The following ARHGAP22 variants were observed in gnomAD, a reference collection of about 807,000 sequenced individuals.
ARHGAP22 encodes the protein Rho GTPase activating protein 22, also known as rho GTPase-activating protein 22.
In ARHGAP22, 48 loss-of-function variants were observed where a neutral mutation model predicts 59.1. The ratio of observed to expected loss-of-function variants is 0.81; its 90% CI spans 0.64 to 1.03. The LOEUF is 1.03. Ranked by LOEUF, ARHGAP22 falls within the 50% of genes least tolerant of loss-of-function variation. The pLI, the probability that ARHGAP22 is intolerant of heterozygous loss-of-function variation, is 0.00. For missense variants in ARHGAP22, 1,015 were observed against 958.7 expected (o/e 1.06, Z -0.78); for synonymous variants, 445 against 416.4 (o/e 1.07, Z -0.84).
chr10:48,520,067 T>C (rs944698000), intron 3 of ARHGAP22, among the ~76,000 whole-genome samples: 1 of 151,982 alleles, frequency 6.6e-6, no homozygotes, highest in Non-Finnish European at 1.5e-5. Flanking sequence ...CCATCAGCCA[T>C]TGGTTGTGAG....
chr10:48,517,625 C>G (rs1271626770), intron 3 of ARHGAP22, among the ~76,000 whole-genome samples: 4 of 152,134 alleles, frequency 2.6e-5, no homozygotes, highest in African/African-American at 9.7e-5. Context: ...TCTCTGGAGC[C>G]ATGAGAGCCA....
chr10:48,513,322 C>T (rs190210170), intron 3 of ARHGAP22, among the ~76,000 whole-genome samples: 1 of 152,312 alleles, frequency 6.6e-6, no homozygotes, highest in Admixed American at 6.5e-5. Context: ...AAGCCATATG[C>T]CTGAGCAGCG....
chr10:48,454,576 C>T (rs1237588805), intron 6 of ARHGAP22, among the ~76,000 whole-genome samples: 1 of 152,192 alleles, frequency 6.6e-6, no homozygotes, highest in East Asian at 1.9e-4. Flanking sequence ...AGGGCTGGCT[C>T]ATCTGTCCTG....
chr10:48,558,340 GTT>G (rs59162298), intron 2 of ARHGAP22, among the ~76,000 whole-genome samples: 1 of 149,320 alleles, frequency 6.7e-6, no homozygotes, highest in South Asian at 2.1e-4. Flanking sequence ...GCGATTTAAT[GTT>G]TTTTTTTTGT....
At chr10:48,566,532 T>A (rs1457855507) in intron 2 of ARHGAP22, among the ~76,000 whole-genome samples, 2 of 152,240 alleles carry the variant, frequency 1.3e-5, no homozygotes, top group African/African-American at 4.8e-5. Context: ...ATACATCATT[T>A]GTCCAGCTTC....
At chr10:48,472,549 CAAAAT>C (rs1564718938) in intron 4 of ARHGAP22, among the ~76,000 whole-genome samples, 1 of 124,886 alleles carries the variant, frequency 8.0e-6, no homozygotes, top group Non-Finnish European at 1.7e-5. Context: ...TAAAATAAAA[CAAAAT>C]AAAATAAAAT....
intron 2 of ARHGAP22, among the ~76,000 whole-genome samples, chr10:48,559,143 T>C (rs1458626578): frequency 6.6e-6 from 1 of 152,228 alleles, no homozygotes; most frequent in Non-Finnish European, 1.5e-5. Context: ...CCAGCTGGCC[T>C]TCCTACTATA....
intron 1 of ARHGAP22, among the ~76,000 whole-genome samples, chr10:48,628,625 G>T (rs34428947): frequency 0.16 from 24,108 of 152,130 alleles, 2,458 homozygotes; most frequent in East Asian, 0.28. Flanking sequence ...ATTTGATTCC[G>T]CCTGGTGACT....
intron 3 of ARHGAP22, among the ~76,000 whole-genome samples, chr10:48,517,646 C>A (rs1322511831): frequency 1.3e-5 from 2 of 152,130 alleles, no homozygotes; most frequent in Non-Finnish European, 2.9e-5. Context: ...ACCCCCTAAC[C>A]CTGGAGGCCA....
intron 3 of ARHGAP22, among the ~76,000 whole-genome samples, chr10:48,505,478 C>G (rs867423001): frequency 6.6e-6 from 1 of 152,114 alleles, no homozygotes; most frequent in Non-Finnish European, 1.5e-5. Context: ...GCAGGAGTCC[C>G]GTGCGCCTGA....
chr10:48,509,542 A>G (rs991567064), intron 3 of ARHGAP22, among the ~76,000 whole-genome samples: 2 of 152,256 alleles, frequency 1.3e-5, no homozygotes, highest in East Asian at 3.8e-4. Flanking sequence ...AAGGCGGGCC[A>G]GCCTGGGAGC....
At chr10:48,446,021 G>C, downstream of ARHGAP22, 1 of 290,452 alleles carries the variant, frequency 3.4e-6, no homozygotes, top group East Asian at 8.1e-5. Flanking sequence ...AAATGAGCCA[G>C]GTAACAAGGC....
At chr10:48,641,589 G>A (rs375644650) in intron 1 of ARHGAP22, among the ~76,000 whole-genome samples, 24 of 152,210 alleles carry the variant, frequency 1.6e-4, no homozygotes, top group Non-Finnish European at 2.4e-4. Flanking sequence ...TTGATGGGAC[G>A]TATCTCAAAA....
At chr10:48,572,421 T>A (rs970444354) in intron 2 of ARHGAP22, among the ~76,000 whole-genome samples, 3 of 152,188 alleles carry the variant, frequency 2.0e-5, no homozygotes, top group Non-Finnish European at 2.9e-5. Context: ...TTTCTCCTGA[T>A]AAAAGACCAC....
intron 3 of ARHGAP22, among the ~76,000 whole-genome samples, chr10:48,527,448 T>G: frequency 6.9e-6 from 1 of 145,752 alleles, no homozygotes; most frequent in African/African-American, 2.5e-5. Context: ...TGCATGGAGG[T>G]GTGGATAGGT....
In ARHGAP22 at chr10:48,446,224, G is replaced by C. The variant is rs1014300016; in HGVS notation, c.*167C>G. 4.6e-5 allele frequency: 31 copies of C among 671,260 alleles called. No individual in the cohort carries two copies. The African/African-American group carries it at 5.5e-4, about 12-fold the overall frequency. 41.6% of individuals were successfully genotyped at this position (671,260 alleles called of 1,614,324 possible). A position where few individuals can be genotyped will look rare whatever the true frequency, so the allele number is the denominator to read the frequency against. On this transcript the variant is annotated 3_prime_UTR_variant, in exon 10 of 10. Coordinates refer to ENST00000249601, the MANE Select transcript of ARHGAP22 (RefSeq NM_021226.4). ...GGAGCAGCATCTGATCCCACCTGGA[G>C]TGTGTGGGGTCCCAAAAGTCCCCAC...
At chr10:48,454,200 A>T in intron 6 of ARHGAP22, 39 bp from the exon 7 acceptor site, 16 of 1,501,344 alleles carry the variant, frequency 1.1e-5, no homozygotes, top group South Asian at 2.3e-5. Context: ...ACCGGCAATG[A>T]GGGCCCTGAC....
chr10:48,567,425 C>A (rs2058115866), intron 2 of ARHGAP22, among the ~76,000 whole-genome samples: 1 of 152,230 alleles, frequency 6.6e-6, no homozygotes, highest in South Asian at 2.1e-4. Flanking sequence ...GGGTGCTGAG[C>A]AGTGCCACAG....
Position 48,450,993 on chromosome 10 carries a change from C to T in ARHGAP22, c.1136G>A (p.Ser379Asn), listed in dbSNP as rs754911949. Residue 379 changes from serine to asparagine, a missense_variant, in exon 9 of 10, where the codon AGC (serine) becomes AAC (asparagine). Transcript: ENST00000249601. ...GWGSEEVTRD[S>N]QGEPGGPGLP... Reference sequence around the variant, plus strand: ...GCCGGGGCCGCCGGGCTCTCCTTGGCTGTCCCTGGTGACCTCCTCGGAGCC... The same window carrying T: ...GCCGGGGCCGCCGGGCTCTCCTTGGTTGTCCCTGGTGACCTCCTCGGAGCC... 2.4e-5 allele frequency: 38 copies of T among 1,559,944 alleles called. No homozygotes were observed. Among genetic ancestry groups the T allele is most frequent in the Non-Finnish European group, 3.3e-5 (38 of 1,152,560 alleles).
Sources: gnomAD v4.1 joint callset for allele counts (sites outside exome capture counted in the v4.1 genomes callset) on GRCh38, gnomAD v4.1.1 for gene constraint, MANE v1.5 for transcripts, NCBI Gene and HGNC (gene_info 2026-07-23, HGNC 2026-07-21) for gene names.